Variants in KIAA1671 observed in about 807,000 individuals in gnomAD.
The protein encoded by KIAA1671 is KIAA1671.
A neutral mutation model predicts 131.2 loss-of-function variants in KIAA1671; 52 were observed. The ratio of observed to expected loss-of-function variants is 0.40; its 90% CI spans 0.32 to 0.50. KIAA1671 has a LOEUF of 0.50. Ranked by LOEUF, KIAA1671 falls within the 20% of genes least tolerant of loss-of-function variation. KIAA1671 has a pLI of 0.73. For missense variants in KIAA1671, 2,360 were observed against 2,364.2 expected, an observed-to-expected ratio of 1.00 and a Z score of 0.04; for synonymous variants, 1,003 against 961.6, an observed-to-expected ratio of 1.04 and a Z score of -0.80.
Position 25,190,604 on chromosome 22 carries a change from C to T in KIAA1671, c.5343-98C>T, listed in dbSNP as rs886228162. The T allele has an allele frequency of 3.9e-6, 4 of 1,022,846 alleles. No homozygotes were observed. In the East Asian group the frequency reaches 7.8e-5, roughly 20 times the overall value. The allele number at this position is 1,022,846 out of a possible 1,614,324, so 63.4% of individuals were successfully genotyped here. A position where few individuals can be genotyped will look rare whatever the true frequency, so the allele number is the denominator to read the frequency against. On this transcript the variant is annotated intron_variant, in intron 11 of 12. Transcript: ENST00000358431. The stretch of plus-strand genomic sequence containing the variant: ...CTCTGAGTGCTTGCCCCAACCCCGC[C>T]TGGGCCCAGGGATAGACAGTCGGAT...
At position 24,969,894 on chromosome 22, in the gene KIAA1671, G is replaced by A. The variant is rs567867787; in HGVS notation, c.-208+17122G>A. On this transcript the variant is annotated intron_variant, in intron 1 of 12. Transcript: ENST00000358431. Reference sequence around the variant, plus strand: ...AAGGTCTGTGCACTGTTTAGAGAGGGGCCCCTTCTATGGATGCTGTAATTG... The same window carrying A: ...AAGGTCTGTGCACTGTTTAGAGAGGAGCCCCTTCTATGGATGCTGTAATTG... Among the ~76,000 whole-genome samples the A allele has an allele frequency of 2.6e-5, 4 of 152,266 alleles. No individual in the cohort carries two copies. In the South Asian group the frequency reaches 8.3e-4, roughly 32 times the overall value.
At chr22:24,978,223 GT>G (rs1179183750) in intron 1 of KIAA1671, among the ~76,000 whole-genome samples, 4 of 152,120 alleles carry the variant, frequency 2.6e-5, no homozygotes, top group Non-Finnish European at 5.9e-5. Context: ...CACGGGGGCG[GT>G]TTTCCCCATG....
chr22:25,103,947 G>T (rs554465160), intron 6 of KIAA1671, among the ~76,000 whole-genome samples: 2 of 152,266 alleles, frequency 1.3e-5, no homozygotes, highest in South Asian at 2.1e-4. Flanking sequence ...TCCATTAGTG[G>T]TTATTATTTC....
At chr22:25,162,750 T>C (rs930975637) in intron 6 of KIAA1671, among the ~76,000 whole-genome samples, 3 of 152,228 alleles carry the variant, frequency 2.0e-5, no homozygotes, top group African/African-American at 7.2e-5. Flanking sequence ...AATAAAGTTT[T>C]ATTGGGACAC....
chr22:24,985,226 G>T (rs1230824356), intron 1 of KIAA1671, among the ~76,000 whole-genome samples: 1 of 152,118 alleles, frequency 6.6e-6, no homozygotes, highest in Non-Finnish European at 1.5e-5. Context: ...CGTAAATTAG[G>T]TGCTGTCTCC....
chr22:24,994,970 C>T (rs541773569), intron 1 of KIAA1671, among the ~76,000 whole-genome samples: 30 of 151,812 alleles, frequency 2.0e-4, no homozygotes, highest in Non-Finnish European at 4.1e-4. Flanking sequence ...TTTCCAGCCA[C>T]GTTCCTGCAT....
intron 1 of KIAA1671, among the ~76,000 whole-genome samples, chr22:24,968,499 G>C (rs1400952234): frequency 2.0e-5 from 3 of 152,112 alleles, no homozygotes; most frequent in Non-Finnish European, 1.5e-5. Context: ...CCCAGCCATG[G>C]GAATGGTTTC....
In KIAA1671 at chr22:25,018,601, T is replaced by C. The variant is rs374838727; in HGVS notation, c.-207-7032T>C. ...CGCTGGCAACCACCATTGTACTTTC[T>C]GTCTTTATGAATTTGCCTATTCTAA... On this transcript the variant is annotated intron_variant, in intron 1 of 12. Coordinates refer to ENST00000358431, the MANE Select transcript of KIAA1671 (RefSeq NM_001145206.2). Among the ~76,000 whole-genome samples, 499 of 150,720 alleles carry C rather than the reference T, an allele frequency of 3.3e-3. 2 individuals carry two copies. Among genetic ancestry groups the C allele is most frequent in the African/African-American group, 0.011 (465 of 41,448 alleles).
intron 6 of KIAA1671, among the ~76,000 whole-genome samples, chr22:25,127,167 G>A (rs1932220371): frequency 6.6e-6 from 1 of 152,172 alleles, no homozygotes; most frequent in Non-Finnish European, 1.5e-5. Context: ...TACTCTTCAT[G>A]GTGGTGAGAA....
rs146984770 is a variant in KIAA1671 at position 25,087,136 on chromosome 22, TA to T, written c.4530+37773del. Among the ~76,000 whole-genome samples the T allele has an allele frequency of 3.8e-3, 581 of 151,430 alleles. 3 individuals are homozygous for T. The highest frequency in any genetic ancestry group is 0.014 in the African/African-American group (559 of 41,278). ...CTGTAAAATGGGCATAATAAACCTTTATTCTGCCCCTCCCACCCCCCACCCC... is the reference window on the plus strand; with the variant it reads ...CTGTAAAATGGGCATAATAAACCTTTTTCTGCCCCTCCCACCCCCCACCCC... On this transcript the variant is annotated intron_variant, in intron 6 of 12. Coordinates refer to ENST00000358431, the MANE Select transcript of KIAA1671 (RefSeq NM_001145206.2).
At chr22:24,956,465 AT>A (rs1425599243) in intron 1 of KIAA1671, among the ~76,000 whole-genome samples, 1 of 152,170 alleles carries the variant, frequency 6.6e-6, no homozygotes, top group African/African-American at 2.4e-5. Context: ...ACTAGTGAAT[AT>A]TTGGGTTCAG....
rs1448052412 is a variant in KIAA1671 at position 25,049,254 on chromosome 22, G to A, written c.4420G>A (p.Glu1474Lys). The change falls in exon 6 of 13, where the codon GAG becomes AAG. Residue 1474 changes from glutamate (E) to lysine (K), a missense_variant. Glu to Lys is a moderately conservative substitution (Grantham distance 56, BLOSUM62 1). Transcript: ENST00000358431. ...HKVLPRDLEK[E>K]DAPQEKERPL... The stretch of plus-strand genomic sequence containing the variant: ...GGTGCTGCCACGGGACCTGGAGAAG[G>A]AGGATGCCCCCCAGGAGAAGGAGCG... 5 of 1,551,908 alleles carry A rather than the reference G, an allele frequency of 3.2e-6. No individual in the cohort carries two copies. Among genetic ancestry groups the A allele is most frequent in the Non-Finnish European group, 4.4e-6 (5 of 1,146,980 alleles).
chr22:25,027,503 A>C (rs1294125893), intron 2 of KIAA1671, among the ~76,000 whole-genome samples: 1 of 152,238 alleles, frequency 6.6e-6, no homozygotes, highest in African/African-American at 2.4e-5. Flanking sequence ...ACTGAGGCCT[A>C]TTCAGGGAGG....
intron 6 of KIAA1671, among the ~76,000 whole-genome samples, chr22:25,108,692 G>GC (rs1477760589): frequency 1.3e-5 from 2 of 152,144 alleles, no homozygotes; most frequent in Admixed American, 6.5e-5. Context: ...TGCTGCAAGA[G>GC]CCCCCCACCC....
intron 1 of KIAA1671, among the ~76,000 whole-genome samples, chr22:24,985,416 T>C (rs1163048550): frequency 6.7e-6 from 1 of 148,844 alleles, no homozygotes; most frequent in East Asian, 2.4e-4. Context: ...CTCGGCTCAC[T>C]GCAAGCTCCG....
At chr22:24,996,483 G>A (rs748105094) in intron 1 of KIAA1671, among the ~76,000 whole-genome samples, 1 of 152,148 alleles carries the variant, frequency 6.6e-6, no homozygotes, top group African/African-American at 2.4e-5. Context: ...GAGTGCGGGC[G>A]AGTACTTGAA....
chr22:25,010,016 G>A (rs143255089), intron 1 of KIAA1671: 2 of 152,272 alleles, frequency 1.3e-5, no homozygotes, highest in South Asian at 2.1e-4. Flanking sequence ...GACATGATTC[G>A]ACAGTGGATA....
intron 6 of KIAA1671, chr22:25,051,655 A>G (rs1927541175): frequency 6.6e-6 from 1 of 151,904 alleles, no homozygotes; most frequent in South Asian, 2.1e-4. Flanking sequence ...CTCTTTTTAT[A>G]AAAGGGGAAA....
Position 24,998,309 on chromosome 22 carries a change from G to A in KIAA1671, c.-207-27324G>A, listed in dbSNP as rs145102071. On this transcript the variant is annotated intron_variant, in intron 1 of 12. Coordinates refer to ENST00000358431, the MANE Select transcript of KIAA1671 (RefSeq NM_001145206.2). ...GAGGCCTGTAGATCCGGCTACTTGG[G>A]AGGCTGAGGTGGGAGGATCACTTGA... 1.6e-3 allele frequency among the ~76,000 whole-genome samples: 242 copies of A among 152,258 alleles called. 4 individuals carry two copies. In the South Asian group the frequency reaches 0.019, roughly 12 times the overall value.
Sources: allele counts gnomAD v4.1 joint callset (sites outside exome capture counted in the v4.1 genomes callset), GRCh38; gene constraint gnomAD v4.1.1; transcripts MANE v1.5; gene names NCBI Gene and HGNC (gene_info 2026-07-23, HGNC 2026-07-21).